LIFR: variants seen among roughly 807,000 people sequenced by gnomAD.
The protein encoded by LIFR is LIF receptor subunit alpha.
Under a neutral mutation model 122.2 loss-of-function variants are expected in LIFR, and 84 were observed. That is an observed-to-expected ratio of 0.69 (90% CI 0.58 to 0.82). LIFR has a LOEUF of 0.82. LIFR is among the 40% of genes least tolerant of loss of function. The pLI is 0.00. For missense variants in LIFR, 1,294 were observed against 1,311.6 expected, an observed-to-expected ratio of 0.99 and a Z score of 0.21; for synonymous variants, 422 against 434.7, an observed-to-expected ratio of 0.97 and a Z score of 0.36.
intron 5 of LIFR, among the ~76,000 whole-genome samples, chr5:38,521,213 G>T (rs1746380302): frequency 6.6e-6 from 1 of 151,994 alleles, no homozygotes; most frequent in African/African-American, 2.4e-5. Context: ...TGGCTTTCTT[G>T]ATTTTTCAGC....
At chr5:38,505,119 C>T (rs113605664) in intron 9 of LIFR, among the ~76,000 whole-genome samples, 5 of 151,664 alleles carry the variant, frequency 3.3e-5, no homozygotes, top group South Asian at 2.1e-4. Context: ...ATAAAAGGGA[C>T]GAACTATTAA....
At chr5:38,513,078 C>A (rs1237017713) in intron 5 of LIFR, among the ~76,000 whole-genome samples, 4 of 152,126 alleles carry the variant, frequency 2.6e-5, no homozygotes, top group Non-Finnish European at 5.9e-5. Flanking sequence ...TAGGCAAACA[C>A]AATAGATTAA....
rs1220261200 is a variant in LIFR, at chr5:38,482,369, TC to T, written c.2671-152del. On this transcript the variant is annotated intron_variant, in intron 19 of 19. Transcript: ENST00000453190. ...TCACACAACAGCACAGCCACTTTTTTCTTCCGTATCAGTATTTTCCTTGTTA... is the reference window on the plus strand; with the variant it reads ...TCACACAACAGCACAGCCACTTTTTTTTCCGTATCAGTATTTTCCTTGTTA... 7,582 of 728,662 alleles carry T rather than the reference TC, an allele frequency of 0.01. 369 individuals are homozygous for T. The African/African-American group carries it at 0.11, about 10-fold the overall frequency. 45.1% of individuals were successfully genotyped at this position (728,662 alleles called of 1,614,324 possible).
intron 3 of LIFR, among the ~76,000 whole-genome samples, chr5:38,527,706 G>C (rs571643938): frequency 7.6e-4 from 115 of 152,250 alleles, no homozygotes; most frequent in Non-Finnish European, 5.7e-4. Context: ...CAACTCCCCT[G>C]CTCCTCTGCC....
chr5:38,579,946 C>T (rs938411614), intron 1 of LIFR, among the ~76,000 whole-genome samples: 1 of 152,170 alleles, frequency 6.6e-6, no homozygotes, highest in Admixed American at 6.5e-5. Context: ...TAAGCTAGCT[C>T]TTCCAGGTAG....
At chr5:38,520,915 T>C (rs1226244432) in intron 5 of LIFR, among the ~76,000 whole-genome samples, 1 of 152,202 alleles carries the variant, frequency 6.6e-6, no homozygotes, top group African/African-American at 2.4e-5. Flanking sequence ...CTTCAGCTAT[T>C]TGGGTTTCTT....
In LIFR at chr5:38,523,552, T is replaced by C. The variant is rs540415185; in HGVS notation, c.428A>G (p.Asn143Ser). ...SLIPDTPEIL[N>S]LSADFSTSTL... ...AGAGGTTGAGAAATCAGCAGACAAA[T>C]TCAAGATCTCTGGAGTATCTGGAAT... Residue 143 changes from asparagine (N) to serine (S), a missense_variant, in exon 5 of 20, where the codon AAT becomes AGT. Asn to Ser is a conservative substitution (Grantham distance 46, BLOSUM62 1). Coordinates refer to ENST00000453190, the MANE Select transcript of LIFR (RefSeq NM_001127671.2). The C allele has an allele frequency of 1.9e-6, 3 of 1,613,402 alleles. No homozygotes were observed. Among genetic ancestry groups the C allele is most frequent in the East Asian group, 2.2e-5 (1 of 44,810 alleles).
Position 38,482,013 on chromosome 5 carries a change from G to C in LIFR, c.2876C>G (p.Pro959Arg). 1 of 1,614,040 alleles carries C rather than the reference G, an allele frequency of 6.2e-7. No homozygotes were observed. The highest frequency in any genetic ancestry group is 2.2e-5 in the East Asian group (1 of 44,874). Residue 959 changes from proline to arginine, a missense_variant, in exon 20 of 20, where the codon CCA becomes CGA. Physicochemically the swap from Pro to Arg is moderately radical, Grantham distance 103. Coordinates refer to ENST00000453190, the MANE Select transcript of LIFR (RefSeq NM_001127671.2). The stretch of plus-strand genomic sequence containing the variant: ...TCCAGCTTCATCTGCGGCTGGGTTT[G>C]GTATTTCTTCCTCAATGATGGGTGG... ...YCPPIIEEEI[P>R]NPAADEAGGT... is the part of the protein sequence containing the mutation.
At chr5:38,530,923 A>G (rs1015303024) in intron 1 of LIFR, 5 of 389,070 alleles carry the variant, frequency 1.3e-5, no homozygotes, top group African/African-American at 1.0e-4. Flanking sequence ...TATAATTATA[A>G]AATTACAACA....
rs895696311 is a variant in LIFR at position 38,523,714 on chromosome 5, G to A, written c.398-132C>T. The A allele has an allele frequency of 2.4e-5, 18 of 751,740 alleles. No individual in the cohort carries two copies. The African/African-American group carries it at 3.2e-4, about 13-fold the overall frequency. The allele number at this position is 751,740 out of a possible 1,614,324, so 46.6% of individuals were successfully genotyped here. A position where few individuals can be genotyped will look rare whatever the true frequency, so the allele number is the denominator to read the frequency against. Reference sequence around the variant, plus strand: ...AAAAATCAATAATCAAGATTTAAAAGGAAACTCTAGAACCCAGTAATAAGG... The same window carrying A: ...AAAAATCAATAATCAAGATTTAAAAAGAAACTCTAGAACCCAGTAATAAGG... On this transcript the variant is annotated intron_variant, in intron 4 of 19. Coordinates refer to ENST00000453190, the MANE Select transcript of LIFR (RefSeq NM_001127671.2).
chr5:38,489,358 T>C lies in LIFR; in HGVS notation c.2168-113A>G, dbSNP rs924597231. On this transcript the variant is annotated intron_variant, in intron 15 of 19. Transcript: ENST00000453190. Reference sequence around the variant, plus strand: ...ATAATTCAACTTGGAATTAAAACTTTATTTAATCATAAACTTTCAGAGAGA... The same window carrying C: ...ATAATTCAACTTGGAATTAAAACTTCATTTAATCATAAACTTTCAGAGAGA... 8 of 874,330 alleles carry C rather than the reference T, an allele frequency of 9.1e-6. No homozygotes were observed. The Admixed American group carries it at 1.7e-4, about 18-fold the overall frequency. The allele number at this position is 874,330 out of a possible 1,614,324, so 54.2% of individuals were successfully genotyped here.
chr5:38,587,453 A>G (rs531846737), intron 1 of LIFR, among the ~76,000 whole-genome samples: 1 of 151,674 alleles, frequency 6.6e-6, no homozygotes, highest in African/African-American at 2.4e-5. Flanking sequence ...GGAGCAAGAA[A>G]GAGTCAGGTA....
chr5:38,550,716 G>T (rs1209970902), intron 1 of LIFR, among the ~76,000 whole-genome samples: 1 of 152,066 alleles, frequency 6.6e-6, no homozygotes, highest in Non-Finnish European at 1.5e-5. Flanking sequence ...GGTAAATCTC[G>T]CAAAAGTTCC....
chr5:38,499,883 C>T (rs1254867287), intron 11 of LIFR, among the ~76,000 whole-genome samples: 1 of 152,142 alleles, frequency 6.6e-6, no homozygotes, highest in East Asian at 1.9e-4. Flanking sequence ...CCTGGCTGTC[C>T]CTCAGATATG....
At position 38,586,306 on chromosome 5, in the gene LIFR, A is replaced by C. The variant is rs187000817; in HGVS notation, c.-20+8955T>G. On this transcript the variant is annotated intron_variant, in intron 1 of 19. Transcript: ENST00000263409. ...TGACAAACTGTCCTACCTATGTTAAATTTTCAGCAAAGTTTATAACTTAAG... is the reference window on the plus strand; with the variant it reads ...TGACAAACTGTCCTACCTATGTTAACTTTTCAGCAAAGTTTATAACTTAAG... Among the ~76,000 whole-genome samples, 268 of 152,282 alleles carry C rather than the reference A, an allele frequency of 1.8e-3. 1 individual carries two copies. The highest frequency in any genetic ancestry group is 6.3e-3 in the African/African-American group (260 of 41,548).
chr5:38,584,769 A>G (rs190104187), intron 1 of LIFR, among the ~76,000 whole-genome samples: 1 of 152,326 alleles, frequency 6.6e-6, no homozygotes, highest in African/African-American at 2.4e-5. Flanking sequence ...GGATGAACAC[A>G]CCTAGAGATC....
rs148396695 is a variant in LIFR, at chr5:38,523,023, A to G, written c.561+396T>C. Among the ~76,000 whole-genome samples the G allele has an allele frequency of 1.3e-3, 205 of 152,346 alleles. 1 individual carries two copies. Among genetic ancestry groups the G allele is most frequent in the Non-Finnish European group, 2.1e-3 (146 of 68,014 alleles). ...TTCAAGCTTATAGATTTATAAAAAAAAATTCTCTATGGCTAAGTTCTGGCT... is the reference window on the plus strand; with the variant it reads ...TTCAAGCTTATAGATTTATAAAAAAGAATTCTCTATGGCTAAGTTCTGGCT... On this transcript the variant is annotated intron_variant, in intron 5 of 19. Coordinates refer to ENST00000453190, the MANE Select transcript of LIFR (RefSeq NM_001127671.2).
chr5:38,478,883 G>A lies in LIFR; in HGVS notation c.*2712C>T, dbSNP rs547688841. ...TCAATTATTTTCCCAGTTAGTAAGG[G>A]CTGGAGAGAACACATCTAGCCTCTG... On this transcript the variant is annotated 3_prime_UTR_variant, in exon 20 of 20. Transcript: ENST00000453190. 5.6e-4 allele frequency: 128 copies of A among 227,808 alleles called. No homozygotes were observed. The highest frequency in any genetic ancestry group is 6.4e-4 in the Non-Finnish European group (73 of 114,514). The allele number at this position is 227,808 out of a possible 1,614,324, so 14.1% of individuals were successfully genotyped here. A position where few individuals can be genotyped will look rare whatever the true frequency, so the allele number is the denominator to read the frequency against.
intron 2 of LIFR, among the ~76,000 whole-genome samples, chr5:38,529,402 A>G (rs924630300): frequency 6.6e-6 from 1 of 152,188 alleles, no homozygotes; most frequent in Non-Finnish European, 1.5e-5. Flanking sequence ...TAGAACTCCC[A>G]TAACTAATCT....
Sources: allele counts gnomAD v4.1 joint callset (sites outside exome capture counted in the v4.1 genomes callset), GRCh38; gene constraint gnomAD v4.1.1; transcripts MANE v1.5; gene names NCBI Gene and HGNC (gene_info 2026-07-23, HGNC 2026-07-21).